The following C14orf39 variants were observed in gnomAD, a reference collection of about 807,000 sequenced individuals.
The protein encoded by C14orf39 is chromosome 14 open reading frame 39.
C14orf39 carries 66 observed loss-of-function variants against 85.6 expected under a neutral mutation model. That is an observed-to-expected ratio of 0.77 (90% CI 0.63 to 0.95). The LOEUF is 0.95. C14orf39 is among the 40% of genes least tolerant of loss of function. C14orf39 has a pLI of 0.00. For missense variants in C14orf39, 735 were observed against 663.9 expected (o/e 1.11, Z -1.18); for synonymous variants, 242 against 214.0 (o/e 1.13, Z -1.14).
intron 1 of C14orf39, chr14:60,511,102 G>A: frequency 6.2e-7 from 1 of 1,612,862 alleles, no homozygotes; most frequent in Non-Finnish European, 8.5e-7. Context: ...AGCAGGTCCT[G>A]TCACAGGGTT....
chr14:60,466,114 C>A, intron 10 of C14orf39, 59 bp from the exon 11 acceptor site: 1 of 746,314 alleles, frequency 1.3e-6, no homozygotes, highest in South Asian at 2.7e-5. Context: ...AAGTATCTTC[C>A]CCAATGTTTA....
At chr14:60,452,547 C>T (rs765088133) in intron 16 of C14orf39, among the ~76,000 whole-genome samples, 3 of 151,162 alleles carry the variant, frequency 2.0e-5, no homozygotes, top group Non-Finnish European at 4.4e-5. Flanking sequence ...TTAATGGGTA[C>T]AAAAACATAG....
chr14:60,458,801 G>T lies in C14orf39; in HGVS notation c.1118-62C>A, dbSNP rs1891392990. On this transcript the variant is annotated intron_variant, in intron 13 of 17. Coordinates refer to ENST00000321731, the MANE Select transcript of C14orf39 (RefSeq NM_174978.3). ...TAATTTTATTGTAAAATAAAACATA[G>T]TCTCGCCATTTGAAATTGCTAATAT... The T allele has an allele frequency of 2.9e-6, 4 of 1,384,246 alleles. No homozygotes were observed. In the Admixed American group the frequency reaches 5.8e-5, roughly 20 times the overall value. The allele number at this position is 1,384,246 out of a possible 1,614,324, so 85.7% of individuals were successfully genotyped here. A position where few individuals can be genotyped will look rare whatever the true frequency, so the allele number is the denominator to read the frequency against.
upstream of C14orf39, among the ~76,000 whole-genome samples, chr14:60,490,848 T>C (rs1892979695): frequency 6.6e-6 from 1 of 152,180 alleles, no homozygotes; most frequent in Admixed American, 6.5e-5. Context: ...AAACTCTATC[T>C]TACTTTAACT....
At chr14:60,451,347 C>A (rs921534928) in intron 16 of C14orf39, among the ~76,000 whole-genome samples, 2 of 151,954 alleles carry the variant, frequency 1.3e-5, no homozygotes, top group Non-Finnish European at 2.9e-5. Flanking sequence ...GGGTATATAC[C>A]CAAAGGATTA....
At chr14:60,462,312 C>T (rs1410794642) in intron 11 of C14orf39, among the ~76,000 whole-genome samples, 2 of 152,018 alleles carry the variant, frequency 1.3e-5, no homozygotes, top group Non-Finnish European at 2.9e-5. Flanking sequence ...TCCATTGAGC[C>T]CAGGATTTCA....
intron 17 of C14orf39, among the ~76,000 whole-genome samples, chr14:60,440,006 C>T (rs1181606954): frequency 3.9e-5 from 6 of 152,012 alleles, no homozygotes; most frequent in African/African-American, 9.7e-5. Context: ...ACCCAGGAGG[C>T]GGAGGTTGCC....
At chr14:60,471,782 A>G (rs747184676) in intron 5 of C14orf39, 43 bp from the exon 6 acceptor site, 1 of 1,208,342 alleles carries the variant, frequency 8.3e-7, no homozygotes, top group East Asian at 2.4e-5. Flanking sequence ...ACAACAACAG[A>G]TCTAAAAACT....
At chr14:60,449,017 T>C (rs1231813684) in intron 16 of C14orf39, among the ~76,000 whole-genome samples, 2 of 151,770 alleles carry the variant, frequency 1.3e-5, no homozygotes, top group Non-Finnish European at 1.5e-5. Flanking sequence ...TGGGGAACAT[T>C]ACATACTGGG....
rs1371997133 is a variant in C14orf39 at position 60,449,634 on chromosome 14, A to G, written c.1503+5367T>C. Among the ~76,000 whole-genome samples the G allele has an allele frequency of 7.2e-5, 11 of 152,152 alleles. No homozygotes were observed. The East Asian group carries it at 1.2e-3, about 16-fold the overall frequency. On this transcript the variant is annotated intron_variant, in intron 16 of 17. Transcript: ENST00000321731. ...CATTCCTAATATAAGGATTTTGTCA[A>G]TTTTGTCAATTATTTTCAAATAATC...
At position 60,436,096 on chromosome 14, in the gene C14orf39, T is replaced by C. The variant is rs547520496; in HGVS notation, c.*749A>G. 61 of 152,118 alleles carry C rather than the reference T, an allele frequency of 4.0e-4. No individual in the cohort carries two copies. The highest frequency in any genetic ancestry group is 1.5e-3 in the African/African-American group (61 of 41,512). 9.4% of individuals were successfully genotyped at this position (152,118 alleles called of 1,614,324 possible). A position where few individuals can be genotyped will look rare whatever the true frequency, so the allele number is the denominator to read the frequency against. ...TTAAGCTATATAATTAATTGACAAATACTGAACACAAAACATAAAGAAGAA... is the reference window on the plus strand; with the variant it reads ...TTAAGCTATATAATTAATTGACAAACACTGAACACAAAACATAAAGAAGAA... On this transcript the variant is annotated 3_prime_UTR_variant, in exon 18 of 18. Coordinates refer to ENST00000321731, the MANE Select transcript of C14orf39 (RefSeq NM_174978.3).
At chr14:60,473,043 T>A (rs1892180981) in intron 5 of C14orf39, among the ~76,000 whole-genome samples, 1 of 152,170 alleles carries the variant, frequency 6.6e-6, no homozygotes, top group Non-Finnish European at 1.5e-5. Flanking sequence ...TGTTCCTATT[T>A]CCCCACATCC....
chr14:60,469,121 C>A (rs1032980563), intron 8 of C14orf39, among the ~76,000 whole-genome samples: 15 of 151,066 alleles, frequency 9.9e-5, no homozygotes, highest in Non-Finnish European at 3.0e-5. Flanking sequence ...AGATTATAGT[C>A]ATATATTTTT....
At chr14:60,459,162 G>C (rs1222701584) in intron 13 of C14orf39, among the ~76,000 whole-genome samples, 1 of 151,370 alleles carries the variant, frequency 6.6e-6, no homozygotes, top group Non-Finnish European at 1.5e-5. Flanking sequence ...CTTATGTTTT[G>C]GTTTTTGTTT....
Position 60,454,580 on chromosome 14 carries a change from T to G in C14orf39, c.1503+421A>C, listed in dbSNP as rs550201010. Among the ~76,000 whole-genome samples the G allele has an allele frequency of 3.5e-3, 528 of 152,116 alleles. 3 individuals are homozygous for G. Among genetic ancestry groups the G allele is most frequent in the African/African-American group, 0.012 (492 of 41,570 alleles). Reference sequence around the variant, plus strand: ...AGCACTTTATCATGATTCATATCACTGAACAGTAGAAACCAATATTAGGTC... The same window carrying G: ...AGCACTTTATCATGATTCATATCACGGAACAGTAGAAACCAATATTAGGTC... On this transcript the variant is annotated intron_variant, in intron 16 of 17. Coordinates refer to ENST00000321731, the MANE Select transcript of C14orf39 (RefSeq NM_174978.3).
At chr14:60,511,115 G>A (rs1239830717) in intron 1 of C14orf39, 2 of 1,612,864 alleles carry the variant, frequency 1.2e-6, no homozygotes, top group Non-Finnish European at 8.5e-7. Flanking sequence ...ACAGGGTTCC[G>A]GGCGGGCACT....
chr14:60,463,890 T>C (rs1891653490), intron 11 of C14orf39, among the ~76,000 whole-genome samples: 2 of 152,140 alleles, frequency 1.3e-5, no homozygotes. Flanking sequence ...AATCCTTATT[T>C]ATTTTTCCCC....
intron 17 of C14orf39, among the ~76,000 whole-genome samples, chr14:60,440,691 A>G (rs902775142): frequency 6.6e-6 from 1 of 152,112 alleles, no homozygotes; most frequent in African/African-American, 2.4e-5. Context: ...TTCACTCAGA[A>G]AAAAAACCCT....
At chr14:60,475,798 TC>T (rs1892344807) in intron 5 of C14orf39, among the ~76,000 whole-genome samples, 3 of 152,166 alleles carry the variant, frequency 2.0e-5, no homozygotes, top group African/African-American at 7.2e-5. Flanking sequence ...ATCTTCTTTT[TC>T]CCCAATTCTT....
Sources: gnomAD v4.1 joint callset for allele counts (sites outside exome capture counted in the v4.1 genomes callset) on GRCh38, gnomAD v4.1.1 for gene constraint, MANE v1.5 for transcripts, NCBI Gene and HGNC (gene_info 2026-07-23, HGNC 2026-07-21) for gene names.